STAU2: variants seen among roughly 807,000 people sequenced by gnomAD.
STAU2 encodes staufen double-stranded RNA binding protein 2.
STAU2 carries 20 observed loss-of-function variants against 65.9 expected under a neutral mutation model. That is an observed-to-expected ratio of 0.30 (90% confidence interval 0.21 to 0.44). The LOEUF is 0.44. Among genes scored for constraint, STAU2 ranks in the 20% least tolerant of loss-of-function variants. The pLI, the probability that STAU2 is intolerant of heterozygous loss-of-function variation, is 1.00. For missense variants in STAU2, 558 were observed against 683.9 expected, an observed-to-expected ratio of 0.82 and a Z score of 2.05; for synonymous variants, 232 against 233.9, an observed-to-expected ratio of 0.99 and a Z score of 0.07.
chr8:73,626,204 C>G (rs1321359880), intron 6 of STAU2, among the ~76,000 whole-genome samples: 1 of 152,062 alleles, frequency 6.6e-6, no homozygotes, highest in Non-Finnish European at 1.5e-5. Context: ...CATTTGAACA[C>G]AGATTTGAAT....
At chr8:73,704,826 G>A (rs10089500) in intron 4 of STAU2, among the ~76,000 whole-genome samples, 9,755 of 152,038 alleles carry the variant, frequency 0.064, 339 homozygotes, top group Middle Eastern at 0.14. Flanking sequence ...GTGCCACCAC[G>A]CCTGGCTAAT....
chr8:73,707,162 G>A (rs866289724), intron 4 of STAU2, among the ~76,000 whole-genome samples: 3 of 152,148 alleles, frequency 2.0e-5, no homozygotes, highest in Admixed American at 2.0e-4. Flanking sequence ...TCAGCTGAGG[G>A]TACCTACATA....
chr8:73,600,569 A>G (rs1811564265), intron 10 of STAU2, among the ~76,000 whole-genome samples: 1 of 152,056 alleles, frequency 6.6e-6, no homozygotes, highest in Non-Finnish European at 1.5e-5. Flanking sequence ...TATTTTTTCC[A>G]ATGCTTTGTT....
At chr8:73,594,074 T>A (rs1811010883) in intron 11 of STAU2, among the ~76,000 whole-genome samples, 2 of 152,294 alleles carry the variant, frequency 1.3e-5, no homozygotes, top group South Asian at 4.1e-4. Flanking sequence ...TTTTTATAGA[T>A]CACTCACCAG....
chr8:73,714,893 C>A (rs918644805), intron 3 of STAU2, among the ~76,000 whole-genome samples: 26 of 152,144 alleles, frequency 1.7e-4, no homozygotes, highest in Non-Finnish European at 3.5e-4. Flanking sequence ...ACCAGCCTGG[C>A]CAACATGGTG....
At chr8:73,557,961 A>C (rs1807915117) in intron 12 of STAU2, among the ~76,000 whole-genome samples, 1 of 152,226 alleles carries the variant, frequency 6.6e-6, no homozygotes, top group Non-Finnish European at 1.5e-5. Flanking sequence ...TAATTCCCAT[A>C]ACAACCATAT....
rs571370663 is a variant in STAU2, at chr8:73,732,435, G to A, written c.-18+5849C>T. On this transcript the variant is annotated intron_variant, in intron 3 of 14. Transcript: ENST00000524300. ...GGGATTACACCATGGTGTAAATATC[G>A]GGATGCCGGGATCATTGGGGGCCAT... is the stretch of plus-strand genomic sequence containing the variant. Among the ~76,000 whole-genome samples the A allele has an allele frequency of 3.2e-4, 48 of 152,196 alleles. No individual in the cohort carries two copies. In the South Asian group the frequency reaches 9.1e-3, roughly 29 times the overall value.
intron 13 of STAU2, among the ~76,000 whole-genome samples, chr8:73,474,242 A>G (rs1163193633): frequency 2.6e-5 from 4 of 152,190 alleles, no homozygotes. Context: ...TGGAGTCTGC[A>G]GGCATTTTCT....
At chr8:73,549,103 T>C (rs1170117835) in intron 13 of STAU2, among the ~76,000 whole-genome samples, 1 of 152,176 alleles carries the variant, frequency 6.6e-6, no homozygotes, top group Non-Finnish European at 1.5e-5. Flanking sequence ...TTTGCCATTA[T>C]AGTAAAAGTG....
chr8:73,585,521 T>C (rs1810303697), intron 11 of STAU2, among the ~76,000 whole-genome samples: 1 of 152,230 alleles, frequency 6.6e-6, no homozygotes, highest in Admixed American at 6.5e-5. Context: ...GTAGGTAACA[T>C]ATGATTTTCA....
At chr8:73,733,172 A>G (rs1806191096) in intron 3 of STAU2, among the ~76,000 whole-genome samples, 1 of 151,612 alleles carries the variant, frequency 6.6e-6, no homozygotes, top group Admixed American at 6.6e-5. Context: ...GCTTCCTCTT[A>G]GCTACCATGT....
At position 73,709,131 on chromosome 8, in the gene STAU2, T is replaced by A. The variant is rs1820716361; in HGVS notation, c.15A>T (p.Lys5Asn). ...TTACCAGACACATTGCAGTTTTCTC[T>A]TTTGGGTTTGCCATTTTATCTTGGA... MANP[K>N]EKTAMCLVNE... The change falls in exon 4 of 15, where the codon AAA becomes AAT. Residue 5 changes from lysine (K) to asparagine (N), a missense_variant. Around this residue, in one of 3 missense-constraint regions of STAU2, gnomAD observed 112 missense variants for 114.2 expected, o/e 0.98. Transcript: ENST00000524300. 2.0e-6 allele frequency: 3 copies of A among 1,530,312 alleles called. No individual in the cohort carries two copies. Among genetic ancestry groups the A allele is most frequent in the Non-Finnish European group, 1.7e-6 (2 of 1,143,176 alleles). 94.8% of individuals were successfully genotyped at this position (1,530,312 alleles called of 1,614,324 possible).
chr8:73,574,769 C>G (rs1373897758), intron 12 of STAU2, among the ~76,000 whole-genome samples: 1 of 151,858 alleles, frequency 6.6e-6, no homozygotes, highest in African/African-American at 2.4e-5. Context: ...GGGTAGGGGG[C>G]TGAGGGAGGG....
At chr8:73,562,703 T>C (rs1319671623) in intron 12 of STAU2, among the ~76,000 whole-genome samples, 4 of 152,240 alleles carry the variant, frequency 2.6e-5, no homozygotes, top group Non-Finnish European at 4.4e-5. Context: ...GATCTAATTA[T>C]GATTTAACAA....
At position 73,712,956 on chromosome 8, in the gene STAU2, G is replaced by C. The variant is rs565052930; in HGVS notation, c.-17-3794C>G. ...CAAAACAAAACAAAACAAAAAACAA[G>C]TATATTTCTGTAGTAGTCTGTGAAA... On this transcript the variant is annotated intron_variant, in intron 3 of 14. Transcript: ENST00000524300. 3.3e-5 allele frequency among the ~76,000 whole-genome samples: 5 copies of C among 151,970 alleles called. No individual in the cohort carries two copies. The South Asian group carries it at 1.0e-3, about 32-fold the overall frequency.
intron 11 of STAU2, among the ~76,000 whole-genome samples, chr8:73,592,156 C>T (rs1810868027): frequency 1.3e-5 from 2 of 151,446 alleles, no homozygotes; most frequent in African/African-American, 4.8e-5. Flanking sequence ...AGAGAAAAAT[C>T]AATGCAACTA....
At chr8:73,634,269 A>ATTTT (rs1814329353) in intron 6 of STAU2, among the ~76,000 whole-genome samples, 2 of 151,718 alleles carry the variant, frequency 1.3e-5, no homozygotes, top group Admixed American at 6.6e-5. Context: ...TTATTTATTT[A>ATTTT]TTTTTTGCTC....
At chr8:73,717,756 T>C (rs1821357108) in intron 3 of STAU2, among the ~76,000 whole-genome samples, 1 of 151,914 alleles carries the variant, frequency 6.6e-6, no homozygotes, top group African/African-American at 2.4e-5. Context: ...CAAGCGATTC[T>C]GCCGCCTATT....
At chr8:73,470,086 AT>A (rs1286181889) in intron 13 of STAU2, among the ~76,000 whole-genome samples, 10 of 152,270 alleles carry the variant, frequency 6.6e-5, no homozygotes, top group Middle Eastern at 3.4e-3. Context: ...GGTAAAGGTG[AT>A]GCTTTTGCAG....
Sources: gnomAD v4.1 joint callset for allele counts (sites outside exome capture counted in the v4.1 genomes callset) on GRCh38, gnomAD v4.1.1 for gene constraint, gnomAD v4.1.1 regional missense constraint, MANE v1.5 for transcripts, NCBI Gene and HGNC (gene_info 2026-07-23, HGNC 2026-07-21) for gene names.